The following RBM19 variants were observed in gnomAD, a reference collection of about 807,000 sequenced individuals.
The protein encoded by RBM19 is RNA binding motif protein 19.
In RBM19, 94 loss-of-function variants were observed where a neutral mutation model predicts 116.8. That is an observed-to-expected ratio of 0.80 (90% CI 0.68 to 0.95). The LOEUF (loss-of-function observed/expected upper bound fraction) is 0.95. Among genes scored for constraint, RBM19 ranks in the 40% least tolerant of loss-of-function variants. RBM19 has a pLI of 0.00. For missense variants in RBM19, 1,161 were observed against 1,220.7 expected (o/e 0.95, Z 0.73); for synonymous variants, 475 against 494.1 (o/e 0.96, Z 0.51).
chr12:113,856,862 T>C (rs1877948711), intron 22 of RBM19, among the ~76,000 whole-genome samples: 1 of 151,984 alleles, frequency 6.6e-6, no homozygotes, highest in African/African-American at 2.4e-5. Context: ...TCTATGAAAA[T>C]ATGGAAAACC....
At chr12:113,912,512 T>C (rs1882495794) in intron 21 of RBM19, among the ~76,000 whole-genome samples, 1 of 152,186 alleles carries the variant, frequency 6.6e-6, no homozygotes, top group East Asian at 1.9e-4. Context: ...CAAATCCCCA[T>C]TCAGCGGCAT....
chr12:113,923,864 A>G (rs568503214), intron 18 of RBM19, among the ~76,000 whole-genome samples: 1 of 152,342 alleles, frequency 6.6e-6, no homozygotes, highest in East Asian at 1.9e-4. Flanking sequence ...CGTCTCCCTC[A>G]GTCTTATATA....
chr12:113,914,788 T>C (rs529538778), intron 21 of RBM19, among the ~76,000 whole-genome samples, 181 bp downstream of exon 21: 1 of 152,326 alleles, frequency 6.6e-6, no homozygotes, highest in South Asian at 2.1e-4. Context: ...TGCACAGTGC[T>C]CTGGGGAGCC....
chr12:113,915,492 G>A (rs1213041492), intron 20 of RBM19, among the ~76,000 whole-genome samples: 3 of 152,152 alleles, frequency 2.0e-5, no homozygotes, highest in African/African-American at 7.2e-5. Context: ...AACATGCGGG[G>A]GCCTAACCAT....
rs372555199 is a variant in RBM19, at chr12:113,892,358, G to A, written c.2558+22611C>T. ...CTCCAGAGGCATAGGAAAAAATGAT[G>A]GGGCAAGGCAGACAGAAACAGGATT... On this transcript the variant is annotated intron_variant, in intron 21 of 23. Transcript: ENST00000261741. Among the ~76,000 whole-genome samples the A allele has an allele frequency of 1.2e-4, 19 of 152,280 alleles. No homozygotes were observed. In the South Asian group the frequency reaches 3.9e-3, roughly 32 times the overall value.
intron 21 of RBM19, among the ~76,000 whole-genome samples, chr12:113,872,459 C>A (rs1183837898): frequency 6.9e-6 from 1 of 144,622 alleles, no homozygotes; most frequent in Non-Finnish European, 1.5e-5. Context: ...TCTGCTCGGC[C>A]GCCCCTACTG....
At chr12:113,866,170 C>T (rs2891477) in intron 21 of RBM19, among the ~76,000 whole-genome samples, 3,527 of 152,196 alleles carry the variant, frequency 0.023, 135 homozygotes, top group African/African-American at 0.08. Context: ...TCTTAGAGTG[C>T]CTTTTAGACT....
downstream of RBM19, among the ~76,000 whole-genome samples, chr12:113,821,394 G>A (rs1483837928): frequency 6.6e-6 from 1 of 152,196 alleles, no homozygotes; most frequent in East Asian, 1.9e-4. Context: ...AGAAGGTTCA[G>A]CCAGAAGGAG....
At chr12:113,907,506 C>T (rs892463142) in intron 21 of RBM19, among the ~76,000 whole-genome samples, 4 of 152,202 alleles carry the variant, frequency 2.6e-5, no homozygotes, top group African/African-American at 7.2e-5. Context: ...TCCTTTCAAA[C>T]CACAGCAAAG....
At chr12:113,830,363 T>C (rs533552572) in intron 23 of RBM19, among the ~76,000 whole-genome samples, 1 of 152,226 alleles carries the variant, frequency 6.6e-6, no homozygotes, top group Admixed American at 6.5e-5. Flanking sequence ...ACTGCTATGA[T>C]GACTGATGTT....
intron 2 of RBM19, among the ~76,000 whole-genome samples, chr12:113,961,758 C>G (rs1227242184): frequency 6.6e-6 from 1 of 152,256 alleles, no homozygotes; most frequent in Non-Finnish European, 1.5e-5. Context: ...CTCACCCTAT[C>G]ATAGCACTGA....
At chr12:113,958,756 A>T (rs114837151) in intron 5 of RBM19, among the ~76,000 whole-genome samples, 2,405 of 152,068 alleles carry the variant, frequency 0.016, 72 homozygotes, top group African/African-American at 0.054. Context: ...CCACACCACA[A>T]ACCCCTTCTG....
intron 21 of RBM19, among the ~76,000 whole-genome samples, chr12:113,886,025 A>G (rs1333738106): frequency 6.6e-6 from 1 of 151,624 alleles, no homozygotes; most frequent in East Asian, 1.9e-4. Context: ...CCCCGCCACC[A>G]TGCCCAGCTA....
intron 23 of RBM19, among the ~76,000 whole-genome samples, chr12:113,831,515 C>T (rs1875407671): frequency 6.6e-6 from 1 of 152,170 alleles, no homozygotes; most frequent in South Asian, 2.1e-4. Flanking sequence ...CAGCCCCTGC[C>T]CCTCCCAAGT....
chr12:113,895,793 G>A, intron 21 of RBM19, among the ~76,000 whole-genome samples: 1 of 150,420 alleles, frequency 6.6e-6, no homozygotes, highest in South Asian at 2.1e-4. Flanking sequence ...TTTTAAAAAA[G>A]AAAAAATCTT....
intron 7 of RBM19, among the ~76,000 whole-genome samples, chr12:113,952,983 G>C (rs1335553003): frequency 1.3e-5 from 2 of 152,066 alleles, no homozygotes; most frequent in Non-Finnish European, 2.9e-5. Context: ...TTTTGGTTTT[G>C]TTAATTAAAG....
rs369732939 is a variant in RBM19 at position 113,844,680 on chromosome 12, C to T, written c.2773G>A (p.Ala925Thr). ...TLQALRRKTA[A>T]HFHEPPKKKR... Reference sequence around the variant, plus strand: ...GTCCCGCTCCTACCGTGAAAGTGAGCGGCCGTCTTCCGCCGCAGGGCCTGC... The same window carrying T: ...GTCCCGCTCCTACCGTGAAAGTGAGTGGCCGTCTTCCGCCGCAGGGCCTGC... Residue 925 changes from alanine (A) to threonine (T), a missense_variant, in exon 23 of 24, where the codon GCT becomes ACT. Physicochemically the swap from Ala to Thr is moderately conservative, Grantham distance 58. Coordinates refer to ENST00000261741, the MANE Select transcript of RBM19 (RefSeq NM_016196.4). 1.6e-5 allele frequency: 26 copies of T among 1,609,852 alleles called. No individual in the cohort carries two copies. Among genetic ancestry groups the T allele is most frequent in the Middle Eastern group, 3.3e-4 (2 of 6,058 alleles).
chr12:113,966,124 T>C (rs1250875262), intron 1 of RBM19, 68 bp downstream of exon 1: 4 of 1,603,260 alleles, frequency 2.5e-6, no homozygotes, highest in Non-Finnish European at 3.4e-6. Context: ...CCTCCAGGCA[T>C]CTCTTCCCTA....
intron 21 of RBM19, among the ~76,000 whole-genome samples, chr12:113,862,173 C>T (rs1354444606): frequency 6.6e-6 from 1 of 152,206 alleles, no homozygotes; most frequent in Admixed American, 6.5e-5. Flanking sequence ...ATCATTTCCG[C>T]TACCAATGAG....
Sources: allele counts gnomAD v4.1 joint callset (sites outside exome capture counted in the v4.1 genomes callset), GRCh38; gene constraint gnomAD v4.1.1; transcripts MANE v1.5; gene names NCBI Gene and HGNC (gene_info 2026-07-23, HGNC 2026-07-21).